The following PTPN1 variants were observed in gnomAD, a reference collection of about 807,000 sequenced individuals.
PTPN1 encodes the protein tyrosine-protein phosphatase non-receptor type 1.
PTPN1 carries 12 observed loss-of-function variants against 59.9 expected under a neutral mutation model. The observed-to-expected ratio is 0.20, with a 90% CI of 0.13 to 0.32. PTPN1 has a LOEUF of 0.32. Among genes scored for constraint, PTPN1 ranks in the 10% least tolerant of loss-of-function variants. PTPN1 has a pLI of 1.00. For missense variants in PTPN1, 356 were observed against 549.2 expected, an observed-to-expected ratio of 0.65 and a Z score of 3.52; for synonymous variants, 178 against 203.6, an observed-to-expected ratio of 0.87 and a Z score of 1.07.
intron 8 of PTPN1, among the ~76,000 whole-genome samples, chr20:50,580,200 C>T (rs948932104): frequency 2.6e-4 from 40 of 151,974 alleles, no homozygotes; most frequent in African/African-American, 9.7e-5. Context: ...TCGGAGCCAC[C>T]GAGTAGGGTT....
chr20:50,550,026 C>A (rs1313369812), intron 1 of PTPN1, among the ~76,000 whole-genome samples: 2 of 152,154 alleles, frequency 1.3e-5, no homozygotes, highest in African/African-American at 4.8e-5. Context: ...ACATGCATTA[C>A]TTTGAAGATC....
chr20:50,525,988 C>G (rs781544426), intron 1 of PTPN1, among the ~76,000 whole-genome samples: 8 of 152,060 alleles, frequency 5.3e-5, no homozygotes, highest in Non-Finnish European at 1.0e-4. Context: ...GATAGAAGAC[C>G]AAACTCTGCA....
chr20:50,569,590 T>G (rs916495303), intron 4 of PTPN1, among the ~76,000 whole-genome samples: 5 of 151,970 alleles, frequency 3.3e-5, no homozygotes, highest in Non-Finnish European at 7.4e-5. Context: ...CTGTGTAGAC[T>G]GTCCATGTAA....
At chr20:50,553,222 C>T (rs972375308) in intron 1 of PTPN1, among the ~76,000 whole-genome samples, 7 of 152,030 alleles carry the variant, frequency 4.6e-5, no homozygotes, top group East Asian at 1.9e-4. Context: ...GTGACTAATA[C>T]GAAAACTATA....
chr20:50,527,120 C>T (rs180925282), intron 1 of PTPN1, among the ~76,000 whole-genome samples: 2 of 152,286 alleles, frequency 1.3e-5, no homozygotes, highest in African/African-American at 2.4e-5. Context: ...TGGTGACTCT[C>T]GAGGAATGGA....
chr20:50,548,151 G>A (rs1568784827), intron 1 of PTPN1, among the ~76,000 whole-genome samples: 1 of 152,052 alleles, frequency 6.6e-6, no homozygotes, highest in Admixed American at 6.6e-5. Flanking sequence ...TCCGTTTTGT[G>A]TTTCGTAATT....
At chr20:50,572,470 A>G (rs535225839) in intron 4 of PTPN1, 1 of 152,372 alleles carries the variant, frequency 6.6e-6, no homozygotes, top group South Asian at 2.1e-4. Flanking sequence ...TCACTTGTAC[A>G]GTTCCAAAGT....
intron 4 of PTPN1, chr20:50,571,864 G>C (rs1002333828): frequency 6.6e-6 from 1 of 152,168 alleles, no homozygotes; most frequent in African/African-American, 2.4e-5. Flanking sequence ...AATCTCACCC[G>C]TATCTCCCTC....
Position 50,559,097 on chromosome 20 carries a change from A to G in PTPN1, c.64-2266A>G, listed in dbSNP as rs146837437. Among the ~76,000 whole-genome samples the G allele has an allele frequency of 6.2e-3, 900 of 145,560 alleles. 4 individuals are homozygous for G. Among genetic ancestry groups the G allele is most frequent in the Non-Finnish European group, 1.0e-2 (667 of 66,946 alleles). Reference sequence around the variant, plus strand: ...TCCAGGTTGGAGTGCAGTGGCGCCAACTCGGCTCACTGCAACCTCCACCTC... The same window carrying G: ...TCCAGGTTGGAGTGCAGTGGCGCCAGCTCGGCTCACTGCAACCTCCACCTC... On this transcript the variant is annotated intron_variant, in intron 1 of 9. Transcript: ENST00000371621.
chr20:50,531,625 C>T (rs938918348), intron 1 of PTPN1, among the ~76,000 whole-genome samples: 54 of 152,206 alleles, frequency 3.5e-4, no homozygotes, highest in African/African-American at 1.3e-3. Context: ...GATCTGTCTG[C>T]CTCAGCCTCC....
At position 50,568,446 on chromosome 20, in the gene PTPN1, G is replaced by A. The variant is rs775223257; in HGVS notation, c.322G>A (p.Val108Ile). ...GTGGGAGCAGAAAAGCAGGGGTGTC[G>A]TCATGCTCAACAGAGTGATGGAGAA... ...MVWEQKSRGV[V>I]MLNRVMEKGS... The change falls in exon 4 of 10, where the codon GTC becomes ATC. Residue 108 changes from valine (V) to isoleucine (I), a missense_variant. Transcript: ENST00000371621. The surrounding 1 kb of genome is among the most constrained non-coding windows in gnomAD (Gnocchi z 5.6). 2.1e-5 allele frequency: 34 copies of A among 1,614,018 alleles called. No homozygotes were observed. The highest frequency in any genetic ancestry group is 2.8e-5 in the Non-Finnish European group (33 of 1,180,004).
rs2082751195 is a variant in PTPN1 at position 50,561,259 on chromosome 20, A to G, written c.64-104A>G. Reference sequence around the variant, plus strand: ...GCCTGGTACATACCTCTGAATTATCACCTTGCATTTCCCATATTGCCCGGC... The same window carrying G: ...GCCTGGTACATACCTCTGAATTATCGCCTTGCATTTCCCATATTGCCCGGC... On this transcript the variant is annotated intron_variant, in intron 1 of 9. Coordinates refer to ENST00000371621, the MANE Select transcript of PTPN1 (RefSeq NM_002827.4). 5 of 854,182 alleles carry G rather than the reference A, an allele frequency of 5.9e-6. No individual in the cohort carries two copies. The East Asian group carries it at 1.3e-4, about 22-fold the overall frequency. The allele number at this position is 854,182 out of a possible 1,614,324, so 52.9% of individuals were successfully genotyped here. A position where few individuals can be genotyped will look rare whatever the true frequency, so the allele number is the denominator to read the frequency against.
At chr20:50,540,498 C>T (rs1219815775) in intron 1 of PTPN1, among the ~76,000 whole-genome samples, 2 of 152,170 alleles carry the variant, frequency 1.3e-5, no homozygotes, top group Admixed American at 6.5e-5. Context: ...GGCATCAAGC[C>T]GTTCATGAAG....
chr20:50,543,092 A>G (rs115681366), intron 1 of PTPN1, among the ~76,000 whole-genome samples: 1 of 152,242 alleles, frequency 6.6e-6, no homozygotes, highest in Non-Finnish European at 1.5e-5. Flanking sequence ...GATAACTGCC[A>G]TGGAGAGCTA....
chr20:50,523,620 G>A (rs2082560831), intron 1 of PTPN1, among the ~76,000 whole-genome samples: 1 of 152,148 alleles, frequency 6.6e-6, no homozygotes, highest in Non-Finnish European at 1.5e-5. Context: ...CTCTGTGCTG[G>A]GCAGTTGGGA....
At chr20:50,564,902 G>A in intron 2 of PTPN1, 67 bp from the exon 3 acceptor site, 1 of 1,598,914 alleles carries the variant, frequency 6.3e-7, no homozygotes, top group Non-Finnish European at 8.5e-7. Flanking sequence ...TTTCTGTAGG[G>A]TGTGCACCTG....
intron 1 of PTPN1, among the ~76,000 whole-genome samples, chr20:50,518,044 A>G (rs1249677859): frequency 6.6e-6 from 1 of 152,202 alleles, no homozygotes; most frequent in Non-Finnish European, 1.5e-5. Flanking sequence ...TTTCTTAGTG[A>G]TTAGAAAAGG....
At chr20:50,553,382 A>T (rs1380947934) in intron 1 of PTPN1, among the ~76,000 whole-genome samples, 1 of 152,214 alleles carries the variant, frequency 6.6e-6, no homozygotes, top group Non-Finnish European at 1.5e-5. Context: ...GGTACTAAGG[A>T]TGAGCAGGCT....
At chr20:50,571,447 G>C (rs2082808215) in intron 4 of PTPN1, 2 of 152,240 alleles carry the variant, frequency 1.3e-5, no homozygotes, top group Admixed American at 1.3e-4. Context: ...ATCCCTCCCA[G>C]AGGGCTGGCT....
Sources: allele counts gnomAD v4.1 joint callset (sites outside exome capture counted in the v4.1 genomes callset), GRCh38; gene constraint gnomAD v4.1.1; non-coding constraint Gnocchi (gnomAD v3.1); transcripts MANE v1.5; gene names NCBI Gene and HGNC (gene_info 2026-07-23, HGNC 2026-07-21).